ASCC3: variants seen among roughly 807,000 people sequenced by gnomAD.
ASCC3 encodes the protein ASC-1 complex subunit P200.
In ASCC3, 158 loss-of-function variants were observed where a neutral mutation model predicts 256.3. The observed-to-expected ratio is 0.62, with a 90% CI of 0.54 to 0.70. The LOEUF is 0.70. Ranked by LOEUF, ASCC3 falls within the 30% of genes least tolerant of loss-of-function variation. ASCC3 has a pLI of 0.00. For synonymous variants in ASCC3, 948 were observed against 883.4 expected (o/e 1.07, Z -1.30); for missense variants, 2,259 against 2,626.0 (o/e 0.86, Z 3.05).
chr6:100,581,209 G>C (rs943416759), intron 36 of ASCC3, among the ~76,000 whole-genome samples: 2 of 152,186 alleles, frequency 1.3e-5, no homozygotes, highest in Non-Finnish European at 2.9e-5. Context: ...CAGTGTAAAA[G>C]TGTTCCTATA....
chr6:100,614,443 T>G (rs1773557815), intron 30 of ASCC3, among the ~76,000 whole-genome samples: 2 of 152,206 alleles, frequency 1.3e-5, no homozygotes, highest in South Asian at 4.1e-4. Flanking sequence ...ATTAAACATT[T>G]AACTATGTTT....
intron 4 of ASCC3, among the ~76,000 whole-genome samples, chr6:100,831,107 A>C (rs1771596620): frequency 6.6e-6 from 1 of 152,122 alleles, no homozygotes; most frequent in Non-Finnish European, 1.5e-5. Flanking sequence ...AAAACAGTTT[A>C]TCACAACAAA....
intron 8 of ASCC3, among the ~76,000 whole-genome samples, chr6:100,788,295 A>C (rs1401800675): frequency 6.6e-6 from 1 of 152,006 alleles, no homozygotes; most frequent in Admixed American, 6.6e-5. Flanking sequence ...AAAATGTTTA[A>C]AAATTTTTAA....
intron 8 of ASCC3, among the ~76,000 whole-genome samples, chr6:100,794,719 T>C (rs1221056008): frequency 5.9e-5 from 9 of 152,110 alleles, no homozygotes; most frequent in African/African-American, 1.9e-4. Flanking sequence ...GACTCAATTA[T>C]TGTAAATTTT....
chr6:100,830,565 T>C (rs372378697), intron 4 of ASCC3, among the ~76,000 whole-genome samples: 5 of 152,188 alleles, frequency 3.3e-5, no homozygotes, highest in African/African-American at 4.8e-5. Flanking sequence ...CTTGTGGGAA[T>C]TGGGGCTCCT....
At chr6:100,551,619 T>A (rs751310598) in intron 36 of ASCC3, among the ~76,000 whole-genome samples, 1 of 152,044 alleles carries the variant, frequency 6.6e-6, no homozygotes, top group Non-Finnish European at 1.5e-5. Context: ...TACACTGATT[T>A]TATAATTAAA....
At chr6:100,684,109 T>C (rs752919806) in intron 13 of ASCC3, among the ~76,000 whole-genome samples, 8 of 152,186 alleles carry the variant, frequency 5.3e-5, no homozygotes, top group African/African-American at 1.9e-4. Context: ...AAGTAACACA[T>C]ACTGTTTCAG....
At chr6:100,593,344 T>C (rs1282310084) in intron 34 of ASCC3, among the ~76,000 whole-genome samples, 1 of 152,098 alleles carries the variant, frequency 6.6e-6, no homozygotes, top group Non-Finnish European at 1.5e-5. Flanking sequence ...AACCTCTCCC[T>C]ATCATAAAAA....
intron 30 of ASCC3, among the ~76,000 whole-genome samples, chr6:100,608,073 T>TATATATGTATATATATCTATATACAC (rs1562160773): frequency 2.0e-5 from 2 of 101,556 alleles, no homozygotes; most frequent in African/African-American, 8.0e-5. Flanking sequence ...TATATATACA[T>TATATATGTATATATATCTATATACAC]ATATATGTAT....
Position 100,700,532 on chromosome 6 carries a change from G to C in ASCC3, c.2151+14930C>G, listed in dbSNP as rs558567926. Among the ~76,000 whole-genome samples, 14 of 152,220 alleles carry C rather than the reference G, an allele frequency of 9.2e-5. No homozygotes were observed. In the South Asian group the frequency reaches 2.5e-3, roughly 27 times the overall value. On this transcript the variant is annotated intron_variant, in intron 13 of 41. Coordinates refer to ENST00000369162, the MANE Select transcript of ASCC3 (RefSeq NM_006828.4). ...TAGATCCACTGACAGCTTGCACCAG[G>C]CACCTGGAAAAGCCACAGAAACTCA...
chr6:100,524,049 C>T (rs952766450), intron 37 of ASCC3, among the ~76,000 whole-genome samples: 4 of 152,120 alleles, frequency 2.6e-5, no homozygotes, highest in African/African-American at 9.7e-5. Context: ...TATTACCCCC[C>T]TTCACAGAAA....
chr6:100,770,092 A>T lies in ASCC3; in HGVS notation c.1396-2747T>A, dbSNP rs146093915. 3.8e-3 allele frequency among the ~76,000 whole-genome samples: 573 copies of T among 152,112 alleles called. 5 individuals carry two copies. The highest frequency in any genetic ancestry group is 0.013 in the African/African-American group (553 of 41,574). On this transcript the variant is annotated intron_variant, in intron 8 of 41. Transcript: ENST00000369162. The stretch of plus-strand genomic sequence containing the variant: ...TAAAAAAAGGAATACTCCCCAAATC[A>T]TTCTAAGAAGCTAGCACTGCCCCAA...
At chr6:100,727,465 C>CT (rs1262325792) in intron 10 of ASCC3, among the ~76,000 whole-genome samples, 1 of 151,938 alleles carries the variant, frequency 6.6e-6, no homozygotes, top group Non-Finnish European at 1.5e-5. Flanking sequence ...ACATTTGGTT[C>CT]TTTTTTCCCC....
chr6:100,674,608 T>C (rs376819644), intron 14 of ASCC3, among the ~76,000 whole-genome samples: 10 of 151,634 alleles, frequency 6.6e-5, no homozygotes, highest in East Asian at 3.9e-4. Context: ...AGGCAAGGTA[T>C]ATGTTAGCTT....
At chr6:100,727,206 A>G (rs1779672961) in intron 10 of ASCC3, among the ~76,000 whole-genome samples, 1 of 152,006 alleles carries the variant, frequency 6.6e-6, no homozygotes, top group East Asian at 1.9e-4. Context: ...AGAAGAGAAA[A>G]ACACAGTAAA....
chr6:100,606,956 C>T lies in ASCC3; in HGVS notation c.4918G>A (p.Val1640Ile). 6.2e-7 allele frequency: 1 copy of T among 1,613,368 alleles called. No individual in the cohort carries two copies. Among genetic ancestry groups the T allele is most frequent in the Non-Finnish European group, 8.5e-7 (1 of 1,179,660 alleles). ...CACTGGAGAAAAAAAAGTACCTGAACTTTACAGTTTACAAATAGTTCCTCT... is the reference window on the plus strand; with the variant it reads ...CACTGGAGAAAAAAAAGTACCTGAATTTTACAGTTTACAAATAGTTCCTCT... ...TVEELFVNCK[V>I]QVLIATSTLA... The change falls in exon 31 of 42, where the codon GTT (valine) becomes ATT (isoleucine). Residue 1640 changes from valine to isoleucine, a missense_variant. By Grantham distance (29) the Val-to-Ile change is conservative. Around this residue, in one of 2 missense-constraint regions of ASCC3, gnomAD observed 1,839 missense variants for 2,206.7 expected, o/e 0.83. Transcript: ENST00000369162.
intron 8 of ASCC3, among the ~76,000 whole-genome samples, chr6:100,774,534 T>G (rs1236577706): frequency 3.3e-5 from 5 of 150,530 alleles, no homozygotes; most frequent in Admixed American, 6.6e-5. Context: ...CCTGGCTAAT[T>G]TTTTGTATTT....
In ASCC3 at chr6:100,627,841, C is replaced by T. The variant is rs1774318802; in HGVS notation, c.4521+1G>A. The T allele has an allele frequency of 6.2e-7, 1 of 1,613,480 alleles. No individual in the cohort carries two copies. Among genetic ancestry groups the T allele is most frequent in the African/African-American group, 1.3e-5 (1 of 74,886 alleles). On this transcript the variant is annotated splice_donor_variant, in intron 28 of 41. Coordinates refer to ENST00000369162, the MANE Select transcript of ASCC3 (RefSeq NM_006828.4). LOFTEE classifies it high-confidence loss of function. ...GCATAATTTATCAATCTTCTACATA[C>T]CTGCTTAATATTGAGCCAATCAGCA...
Position 100,848,293 on chromosome 6 carries a change from T to C in ASCC3, c.656A>G (p.Asn219Ser), listed in dbSNP as rs1772482929. The change falls in exon 4 of 42, where the codon AAT (asparagine) becomes AGT (serine). Residue 219 changes from asparagine to serine, a missense_variant. Physicochemically the swap from Asn to Ser is conservative, Grantham distance 46. Around this residue, in one of 2 missense-constraint regions of ASCC3, gnomAD observed 420 missense variants for 419.3 expected, o/e 1.00. Transcript: ENST00000369162. ...AACTTCACACCACAAAAAGGAGCCA[T>C]TTGTTTTTTCCACAGGCTTGAGTTC... Reference protein sequence around the residue: ...TPELKPVEKTNGSFLWCEVEK... With the variant: ...TPELKPVEKTSGSFLWCEVEK... The C allele has an allele frequency of 1.9e-6, 3 of 1,613,958 alleles. No homozygotes were observed. The highest frequency in any genetic ancestry group is 2.5e-6 in the Non-Finnish European group (3 of 1,180,002).
Sources: allele counts gnomAD v4.1 joint callset (sites outside exome capture counted in the v4.1 genomes callset), GRCh38; gene constraint gnomAD v4.1.1; regional missense constraint gnomAD v4.1.1; transcripts MANE v1.5; gene names NCBI Gene and HGNC (gene_info 2026-07-23, HGNC 2026-07-21).